Variants in CNTLN observed in about 807,000 individuals in gnomAD.
CNTLN encodes the protein centlein, centrosomal protein.
Under a neutral mutation model 180.0 loss-of-function variants are expected in CNTLN, and 212 were observed. The ratio of observed to expected loss-of-function variants is 1.18; its 90% confidence interval spans 1.05 to 1.32. The LOEUF (loss-of-function observed/expected upper bound fraction) is 1.32, where lower values mean the gene tolerates loss of function less well. Ranked by LOEUF, CNTLN falls within the 40% of genes most tolerant of loss-of-function variation. The pLI is 0.00. For missense variants in CNTLN, 2,095 were observed against 1,610.9 expected, an observed-to-expected ratio of 1.30 and a Z score of -5.14; for synonymous variants, 722 against 563.1, an observed-to-expected ratio of 1.28 and a Z score of -3.99.
At chr9:17,495,124 C>T (rs952560306) in intron 25 of CNTLN, 4 of 341,684 alleles carry the variant, frequency 1.2e-5, no homozygotes, top group Non-Finnish European at 2.3e-5. Context: ...AGGTGATCTG[C>T]CTGCCTCAGC....
chr9:17,363,436 C>G (rs972610418), intron 12 of CNTLN, among the ~76,000 whole-genome samples: 2 of 152,014 alleles, frequency 1.3e-5, no homozygotes, highest in African/African-American at 4.8e-5. Flanking sequence ...GAGATGGTAT[C>G]TCATTGTAGT....
At chr9:17,387,188 G>T (rs1825745806) in intron 13 of CNTLN, among the ~76,000 whole-genome samples, 1 of 152,156 alleles carries the variant, frequency 6.6e-6, no homozygotes, top group Non-Finnish European at 1.5e-5. Flanking sequence ...ACTCTACAGA[G>T]AATAATATTG....
intron 18 of CNTLN, among the ~76,000 whole-genome samples, chr9:17,420,794 A>T (rs1828657980): frequency 6.6e-6 from 1 of 151,722 alleles, no homozygotes. Flanking sequence ...TTTTCCTCTT[A>T]ATTTCTTGTT....
At chr9:17,443,075 A>G (rs1455821252) in intron 18 of CNTLN, among the ~76,000 whole-genome samples, 1 of 151,732 alleles carries the variant, frequency 6.6e-6, no homozygotes, top group African/African-American at 2.4e-5. Context: ...TACTTAAAGA[A>G]GTTAGATGCA....
intron 19 of CNTLN, among the ~76,000 whole-genome samples, chr9:17,460,875 C>G (rs961454202): frequency 1.3e-5 from 2 of 151,574 alleles, no homozygotes; most frequent in African/African-American, 4.8e-5. Flanking sequence ...TACTTCTCAG[C>G]AGAAAACACC....
At chr9:17,374,469 G>A (rs1824588014) in intron 13 of CNTLN, among the ~76,000 whole-genome samples, 1 of 152,150 alleles carries the variant, frequency 6.6e-6, no homozygotes, top group Non-Finnish European at 1.5e-5. Context: ...AATAACAAAT[G>A]CTGGGGAAGA....
intron 18 of CNTLN, among the ~76,000 whole-genome samples, chr9:17,432,801 C>T (rs1434492443): frequency 6.6e-6 from 1 of 152,044 alleles, no homozygotes; most frequent in African/African-American, 2.4e-5. Flanking sequence ...GGGCAGATCA[C>T]CTGAGGTCAT....
At chr9:17,294,338 T>G (rs1391887142) in intron 6 of CNTLN, among the ~76,000 whole-genome samples, 1 of 152,006 alleles carries the variant, frequency 6.6e-6, no homozygotes, top group East Asian at 2.0e-4. Flanking sequence ...GAGAGCCGAT[T>G]GGTTTTACAG....
At chr9:17,263,046 TTTA>T (rs1418734269) in intron 5 of CNTLN, among the ~76,000 whole-genome samples, 4 of 151,428 alleles carry the variant, frequency 2.6e-5, no homozygotes, top group South Asian at 2.1e-4. Flanking sequence ...TTTTTTTAAT[TTTA>T]TTATTATTAT....
At chr9:17,351,401 C>T (rs1822351722) in intron 12 of CNTLN, among the ~76,000 whole-genome samples, 2 of 152,202 alleles carry the variant, frequency 1.3e-5, no homozygotes, top group Non-Finnish European at 2.9e-5. Context: ...GTCTACACAA[C>T]ATCTCCTTTT....
intron 8 of CNTLN, among the ~76,000 whole-genome samples, chr9:17,326,912 T>C (rs993118382): frequency 4.6e-5 from 7 of 152,122 alleles, no homozygotes; most frequent in African/African-American, 1.7e-4. Flanking sequence ...CTAAATGTAA[T>C]GTATCCTAGA....
At position 17,366,604 on chromosome 9, in the gene CNTLN, T is replaced by C. The variant is rs1243710354; in HGVS notation, c.1887-13T>C. 1.5e-6 allele frequency: 2 copies of C among 1,313,192 alleles called. No homozygotes were observed. Among genetic ancestry groups the C allele is most frequent in the African/African-American group, 2.9e-5 (2 of 68,198 alleles). 81.3% of individuals were successfully genotyped at this position (1,313,192 alleles called of 1,614,324 possible). On this transcript the variant is annotated splice_polypyrimidine_tract_variant and intron_variant, in intron 12 of 25. Coordinates refer to ENST00000380647, the MANE Select transcript of CNTLN (RefSeq NM_017738.4). ...AATATGGTTTTAAGTAAATGTTTAT[T>C]GCTTTTTCATAGGATGAATCTTGAA...
chr9:17,317,674 T>C (rs1049704956), intron 8 of CNTLN, among the ~76,000 whole-genome samples: 1 of 152,200 alleles, frequency 6.6e-6, no homozygotes, highest in Non-Finnish European at 1.5e-5. Flanking sequence ...GAAATCATTC[T>C]GATTAGGTGA....
chr9:17,469,491 C>T (rs532708598), intron 23 of CNTLN, among the ~76,000 whole-genome samples: 1 of 151,738 alleles, frequency 6.6e-6, no homozygotes, highest in Admixed American at 6.6e-5. Flanking sequence ...CTTGTCCTTG[C>T]ACATATGGCC....
At chr9:17,414,275 T>C (rs1220462252) in intron 16 of CNTLN, among the ~76,000 whole-genome samples, 2 of 152,232 alleles carry the variant, frequency 1.3e-5, no homozygotes, top group African/African-American at 4.8e-5. Context: ...CCTTGTATTT[T>C]TTGCCATGTT....
chr9:17,267,247 C>A (rs775514628), intron 5 of CNTLN, among the ~76,000 whole-genome samples: 1 of 152,152 alleles, frequency 6.6e-6, no homozygotes, highest in Non-Finnish European at 1.5e-5. Flanking sequence ...GTGACAAAAT[C>A]TCTCAGCATT....
intron 13 of CNTLN, among the ~76,000 whole-genome samples, chr9:17,382,342 G>A (rs1234298164): frequency 6.6e-6 from 1 of 152,178 alleles, no homozygotes; most frequent in South Asian, 2.1e-4. Context: ...AGATTGTGTT[G>A]GATACATACC....
chr9:17,381,155 A>G (rs1825221797), intron 13 of CNTLN, among the ~76,000 whole-genome samples: 2 of 152,240 alleles, frequency 1.3e-5, no homozygotes, highest in African/African-American at 4.8e-5. Context: ...ATTATTAGCA[A>G]CAGGCATGAC....
chr9:17,380,991 C>G (rs1180242007), intron 13 of CNTLN, among the ~76,000 whole-genome samples: 1 of 152,154 alleles, frequency 6.6e-6, no homozygotes, highest in African/African-American at 2.4e-5. Flanking sequence ...ACACTGTCAC[C>G]TCCACCCGTG....
Sources: allele counts gnomAD v4.1 joint callset (sites outside exome capture counted in the v4.1 genomes callset), GRCh38; gene constraint gnomAD v4.1.1; transcripts MANE v1.5; gene names NCBI Gene and HGNC (gene_info 2026-07-23, HGNC 2026-07-21).